Variants in LPP observed in about 807,000 individuals in gnomAD.
LPP encodes the protein lipoma-preferred partner.
Under a neutral mutation model 60.4 loss-of-function variants are expected in LPP, and 38 were observed. The ratio of observed to expected loss-of-function variants is 0.63; its 90% CI spans 0.49 to 0.83. The LOEUF is 0.83. Among genes scored for constraint, LPP ranks in the 40% least tolerant of loss-of-function variants. LPP has a pLI of 0.00. For synonymous variants in LPP, 328 were observed against 290.8 expected (o/e 1.13, Z -1.30); for missense variants, 902 against 783.6 (o/e 1.15, Z -1.80).
chr3:188,477,421 C>A (rs1003554473), intron 4 of LPP, among the ~76,000 whole-genome samples: 3 of 152,172 alleles, frequency 2.0e-5, no homozygotes, highest in African/African-American at 7.2e-5. Context: ...GAAAAGGTTT[C>A]GTCTCTAATA....
intron 5 of LPP, among the ~76,000 whole-genome samples, chr3:188,485,796 C>CAAAAAAAAA (rs766522013): frequency 0.033 from 1,317 of 40,020 alleles, 234 homozygotes; most frequent in African/African-American, 0.049. Context: ...GACTCCGTCT[C>CAAAAAAAAA]AAAAAAAAAA....
At chr3:188,867,490 T>C (rs985788721) in intron 10 of LPP, among the ~76,000 whole-genome samples, 4 of 151,896 alleles carry the variant, frequency 2.6e-5, no homozygotes, top group South Asian at 2.1e-4. Context: ...ACTACAGGCA[T>C]GCACCACCAT....
At chr3:188,846,745 T>G (rs1488810980) in intron 9 of LPP, among the ~76,000 whole-genome samples, 1 of 149,670 alleles carries the variant, frequency 6.7e-6, no homozygotes, top group African/African-American at 2.5e-5. Context: ...CTGTAAGTAA[T>G]CTTATCTGGC....
At chr3:188,350,208 C>T (rs1047074109) in intron 3 of LPP, among the ~76,000 whole-genome samples, 1 of 152,040 alleles carries the variant, frequency 6.6e-6, no homozygotes, top group Admixed American at 6.5e-5. Flanking sequence ...AGGGAGCTGG[C>T]GGGTCTGTGG....
chr3:188,348,294 G>A (rs1395789731), intron 3 of LPP, among the ~76,000 whole-genome samples: 2 of 152,014 alleles, frequency 1.3e-5, no homozygotes, highest in East Asian at 3.9e-4. Context: ...TTACAGGCAT[G>A]AGCCACCACG....
intron 6 of LPP, among the ~76,000 whole-genome samples, chr3:188,604,656 G>A (rs564927391): frequency 7.9e-5 from 12 of 152,094 alleles, no homozygotes; most frequent in Admixed American, 2.0e-4. Flanking sequence ...TTCATGGTCA[G>A]TTATAATCTG....
At chr3:188,698,867 CAG>C (rs1302288735) in intron 7 of LPP, among the ~76,000 whole-genome samples, 2 of 152,226 alleles carry the variant, frequency 1.3e-5, no homozygotes, top group African/African-American at 4.8e-5. Flanking sequence ...AAAAAGTACT[CAG>C]AGTAATTACA....
At chr3:188,418,491 A>G (rs1214665831) in intron 4 of LPP, among the ~76,000 whole-genome samples, 1 of 152,168 alleles carries the variant, frequency 6.6e-6, no homozygotes, top group African/African-American at 2.4e-5. Context: ...GCATATTGCA[A>G]AGCTGGGAAT....
At chr3:188,841,441 G>A (rs920435608) in intron 9 of LPP, among the ~76,000 whole-genome samples, 9 of 134,920 alleles carry the variant, frequency 6.7e-5, no homozygotes, top group African/African-American at 2.3e-4. Flanking sequence ...CACCAAGCTG[G>A]AGTGCAGTGG....
At chr3:188,362,189 T>G (rs1769646239) in intron 3 of LPP, among the ~76,000 whole-genome samples, 1 of 152,136 alleles carries the variant, frequency 6.6e-6, no homozygotes, top group African/African-American at 2.4e-5. Context: ...CAAATGAAAT[T>G]TAGGGTAGAA....
intron 7 of LPP, among the ~76,000 whole-genome samples, chr3:188,702,158 A>G (rs942028834): frequency 5.9e-5 from 9 of 151,702 alleles, no homozygotes; most frequent in African/African-American, 1.7e-4. Context: ...GGATTTCACC[A>G]TGTTAGCTAG....
chr3:188,302,520 G>A (rs1203330577), intron 2 of LPP, among the ~76,000 whole-genome samples: 1 of 152,312 alleles, frequency 6.6e-6, no homozygotes, highest in African/African-American at 2.4e-5. Flanking sequence ...ATATAAGATT[G>A]CATTTATGAA....
chr3:188,237,434 A>C (rs1722312545), intron 2 of LPP, among the ~76,000 whole-genome samples: 1 of 152,202 alleles, frequency 6.6e-6, no homozygotes, highest in African/African-American at 2.4e-5. Context: ...GAAAGTTTTC[A>C]ATTTACTTTG....
At position 188,746,855 on chromosome 3, in the gene LPP, A is replaced by G. The variant is rs114297116; in HGVS notation, c.1241-13258A>G. Reference sequence around the variant, plus strand: ...ACATTACCTATTGCCCAGTTTTCTCATTTGTTTCATTTTGTAACTTTTATA... The same window carrying G: ...ACATTACCTATTGCCCAGTTTTCTCGTTTGTTTCATTTTGTAACTTTTATA... On this transcript the variant is annotated intron_variant, in intron 8 of 11. Transcript: ENST00000617246. 7.2e-3 allele frequency among the ~76,000 whole-genome samples: 1,092 copies of G among 152,210 alleles called. 7 individuals are homozygous for G. Among genetic ancestry groups the G allele is most frequent in the African/African-American group, 0.024 (1,015 of 41,550 alleles).
At chr3:188,760,409 G>GGGGTGTGT (rs1553836222) in intron 9 of LPP, 127 bp downstream of exon 9, 11 of 602,816 alleles carry the variant, frequency 1.8e-5, no homozygotes, top group African/African-American at 7.7e-5. Flanking sequence ...GTGTGTGTGG[G>GGGGTGTGT]GTGTGTGTGT....
At chr3:188,241,010 T>G (rs1577485788) in intron 2 of LPP, among the ~76,000 whole-genome samples, 1 of 152,324 alleles carries the variant, frequency 6.6e-6, no homozygotes, top group South Asian at 2.1e-4. Flanking sequence ...TATGTATGCA[T>G]AGTCTAAAGT....
At chr3:188,517,024 C>T (rs1047876230) in intron 5 of LPP, among the ~76,000 whole-genome samples, 2 of 152,160 alleles carry the variant, frequency 1.3e-5, no homozygotes, top group African/African-American at 4.8e-5. Context: ...GTCACATACT[C>T]AATTGCCTGA....
intron 2 of LPP, among the ~76,000 whole-genome samples, chr3:188,301,271 A>T (rs1749757368): frequency 6.6e-6 from 1 of 152,232 alleles, no homozygotes; most frequent in Non-Finnish European, 1.5e-5. Context: ...GATGATTTTG[A>T]TGAAAACTTA....
At chr3:188,432,003 A>G (rs1387966796) in intron 4 of LPP, among the ~76,000 whole-genome samples, 2 of 152,114 alleles carry the variant, frequency 1.3e-5, no homozygotes, top group Non-Finnish European at 2.9e-5. Flanking sequence ...TGAGCAAAAT[A>G]TACATTCATG....
Sources: gnomAD v4.1 joint callset for allele counts (sites outside exome capture counted in the v4.1 genomes callset) on GRCh38, gnomAD v4.1.1 for gene constraint, MANE v1.5 for transcripts, NCBI Gene and HGNC (gene_info 2026-07-23, HGNC 2026-07-21) for gene names.